The following DDX54 variants were observed in gnomAD, a reference collection of about 807,000 sequenced individuals.
DDX54 encodes ATP-dependent RNA helicase DDX54.
DDX54 carries 67 observed loss-of-function variants against 105.5 expected under a neutral mutation model. The ratio of observed to expected loss-of-function variants is 0.64; its 90% CI spans 0.52 to 0.78. DDX54 has a LOEUF of 0.78. Among genes scored for constraint, DDX54 ranks in the 30% least tolerant of loss-of-function variants. The pLI is 0.00. For synonymous variants in DDX54, 514 were observed against 509.9 expected (o/e 1.01, Z -0.11); for missense variants, 1,206 against 1,230.5 (o/e 0.98, Z 0.30).
At chr12:113,184,387 A>T (rs1463742890) in intron 1 of DDX54, among the ~76,000 whole-genome samples, 1 of 152,134 alleles carries the variant, frequency 6.6e-6, no homozygotes, top group Non-Finnish European at 1.5e-5. Context: ...CAGGCCTTTG[A>T]CTATTTCTTA....
intron 11 of DDX54, among the ~76,000 whole-genome samples, chr12:113,171,938 A>T (rs1329554398): frequency 6.6e-6 from 1 of 152,162 alleles, no homozygotes; most frequent in East Asian, 1.9e-4. Context: ...GCCTGCCTTG[A>T]GCATGCTCCA....
intron 12 of DDX54, among the ~76,000 whole-genome samples, chr12:113,168,487 C>T (rs1342647707): frequency 6.6e-6 from 1 of 152,238 alleles, no homozygotes; most frequent in Non-Finnish European, 1.5e-5. Flanking sequence ...CTCCCTCTAG[C>T]ACAGATGGAC....
In DDX54 at chr12:113,164,168, C is replaced by T; in HGVS notation, c.1837G>A (p.Glu613Lys). 1 of 1,557,538 alleles carries T rather than the reference C, an allele frequency of 6.4e-7. No individual in the cohort carries two copies. The highest frequency in any genetic ancestry group is 1.2e-5 in the South Asian group (1 of 84,838). ...GGGCCCACTGGGCCCTCCTGCTGCTCCTGCCGCCCCTGCTGTCCCTGCTGG... is the reference window on the plus strand; with the variant it reads ...GGGCCCACTGGGCCCTCCTGCTGCTTCTGCCGCCCCTGCTGTCCCTGCTGG... ...RFQQGQQGRQ[E>K]QQEGPVGPAP... Residue 613 changes from glutamate (E) to lysine (K), a missense_variant, in exon 15 of 20, where the codon GAG becomes AAG. This residue lies in a region of DDX54 where 961 missense variants were observed against 1,019.1 expected (regional missense o/e 0.94). Coordinates refer to ENST00000306014, the MANE Select transcript of DDX54 (RefSeq NM_024072.4).
At chr12:113,164,695 CAGAG>C (rs1209629702) in intron 14 of DDX54, among the ~76,000 whole-genome samples, 2 of 151,512 alleles carry the variant, frequency 1.3e-5, no homozygotes, top group Non-Finnish European at 2.9e-5. Context: ...GCCTGGGTAA[CAGAG>C]CGAGACTCCA....
chr12:113,161,779 A>AGG, intron 18 of DDX54, 114 bp downstream of exon 18: 1 of 237,010 alleles, frequency 4.2e-6, no homozygotes, highest in South Asian at 3.7e-5. Context: ...TAAGCCGCTC[A>AGG]GCCCCGCCCC....
At position 113,161,887 on chromosome 12, in the gene DDX54, G is replaced by A; in HGVS notation, c.2300+6C>T. On this transcript the variant is annotated splice_donor_region_variant and intron_variant, in intron 18 of 19. Transcript: ENST00000306014. ...CGCCCCTCCCCAGCCACGCCCCTCA[G>A]GATACAGGTCTCGCTTGTAGGAGCT... 1 of 1,511,296 alleles carries A rather than the reference G, an allele frequency of 6.6e-7. No homozygotes were observed. The highest frequency in any genetic ancestry group is 8.9e-7 in the Non-Finnish European group (1 of 1,117,700). 93.6% of individuals were successfully genotyped at this position (1,511,296 alleles called of 1,614,324 possible).
Position 113,162,974 on chromosome 12 carries a change from T to TC in DDX54, c.2152dup (p.Asp718GlyfsTer2). The TC allele has an allele frequency of 6.2e-7, 1 of 1,608,406 alleles. No homozygotes were observed. Among genetic ancestry groups the TC allele is most frequent in the Non-Finnish European group, 8.5e-7 (1 of 1,179,702 alleles). On this transcript the variant is annotated frameshift_variant, in exon 17 of 20. Transcript: ENST00000306014. LOFTEE classifies it high-confidence loss of function. ...GCCCCTCGTCAGGTTCTGGGCTTCA[T>TC]CCCCCATCAAGTCCAGGACAGCGCC...
At chr12:113,173,904 C>T (rs1251234015) in intron 10 of DDX54, among the ~76,000 whole-genome samples, 1 of 152,130 alleles carries the variant, frequency 6.6e-6, no homozygotes, top group Non-Finnish European at 1.5e-5. Flanking sequence ...AAGTTTAGGC[C>T]AGGCGCTGTG....
rs1244430069 is a variant in DDX54, at chr12:113,163,216, G to T, written c.1997C>A (p.Ala666Asp). The change falls in exon 16 of 20, where the codon GCC becomes GAC. Residue 666 changes from alanine (A) to aspartate (D), a missense_variant. By Grantham distance (126) the Ala-to-Asp change is moderately radical. Coordinates refer to ENST00000306014, the MANE Select transcript of DDX54 (RefSeq NM_024072.4). This position sits in a 1 kb window ranked among gnomAD's most constrained non-coding sequence, Gnocchi z 5.9. ...KRQRSGPNRG[A>D]KRRREEARQR... ...CCGGGCCTCCTCCCTCCGCCTCTTG[G>T]CTCCCCTGTTGGGTCCTGACCGCTG... 5 of 1,611,782 alleles carry T rather than the reference G, an allele frequency of 3.1e-6. No homozygotes were observed. The highest frequency in any genetic ancestry group is 4.2e-6 in the Non-Finnish European group (5 of 1,179,980).
chr12:113,167,761 T>C (rs529831537), intron 12 of DDX54, among the ~76,000 whole-genome samples: 82 of 152,268 alleles, frequency 5.4e-4, no homozygotes, highest in Admixed American at 1.4e-3. Context: ...TGCCTGGACA[T>C]TGGGGGAGGC....
intron 1 of DDX54, chr12:113,183,605 C>T (rs1952490285): frequency 6.6e-6 from 1 of 152,286 alleles, no homozygotes; most frequent in African/African-American, 2.4e-5. Flanking sequence ...GCCCTTCTGC[C>T]CCATTGGTGC....
intron 12 of DDX54, chr12:113,168,070 G>A (rs1161060158): frequency 3.7e-5 from 15 of 407,480 alleles, no homozygotes; most frequent in Non-Finnish European, 6.9e-5. Context: ...CACCTCCAGT[G>A]ACTGCACAGG....
At chr12:113,162,148 GCTCAATAAAGGCTTCTTCCCTATCCCTC>G in intron 17 of DDX54, 151 bp from the exon 18 acceptor site, 1 of 688,312 alleles carries the variant, frequency 1.5e-6, no homozygotes, top group Admixed American at 2.3e-5. Flanking sequence ...TGCAGTTGGC[GCTCAATAAAGGCTTCTTCCCTATCCCTC>G]CTCACCTCTC....
At chr12:113,171,767 C>A (rs1247475095) in intron 11 of DDX54, among the ~76,000 whole-genome samples, 1 of 152,086 alleles carries the variant, frequency 6.6e-6, no homozygotes, top group Non-Finnish European at 1.5e-5. Context: ...GGACACACAC[C>A]AAAATGACGG....
chr12:113,161,055 C>A (rs1952197824), intron 19 of DDX54, among the ~76,000 whole-genome samples: 1 of 140,280 alleles, frequency 7.1e-6, no homozygotes, highest in African/African-American at 2.7e-5. Flanking sequence ...GTGCTCGTGA[C>A]CATCAGAGGC....
Position 113,185,434 on chromosome 12 carries a change from G to A in DDX54, c.18C>T (p.Gly6=). Residue 6 remains glycine, a synonymous_variant, in exon 1 of 20, where the codon GGC becomes GGT. Coordinates refer to ENST00000306014, the MANE Select transcript of DDX54 (RefSeq NM_024072.4). ...CTCGCGACCGAGGTCCAGCCGCCGG[G>A]CCCTTGTCGGCCGCCATTCGGGCCG... MAADK[G]PAAGPRSRAA... 6.6e-7 allele frequency: 1 copy of A among 1,513,038 alleles called. No homozygotes were observed. The highest frequency in any genetic ancestry group is 8.8e-7 in the Non-Finnish European group (1 of 1,133,606). 93.7% of individuals were successfully genotyped at this position (1,513,038 alleles called of 1,614,324 possible). A position where few individuals can be genotyped will look rare whatever the true frequency, so the allele number is the denominator to read the frequency against.
chr12:113,165,870 G>GGCGCCGGGCGTGA lies in DDX54; in HGVS notation c.1564_1576dup (p.Pro526LeufsTer8). On this transcript the variant is annotated frameshift_variant, in exon 13 of 20. Coordinates refer to ENST00000306014, the MANE Select transcript of DDX54 (RefSeq NM_024072.4). LOFTEE classifies it high-confidence loss of function. ...GGCCCTCTTGATGGACTCAGGCGAG[G>GGCGCCGGGCGTGA]GCGCCGGGCGTGAGCGCACATACTG... 1 of 1,613,644 alleles carries GGCGCCGGGCGTGA rather than the reference G, an allele frequency of 6.2e-7. No homozygotes were observed. Among genetic ancestry groups the GGCGCCGGGCGTGA allele is most frequent in the Non-Finnish European group, 8.5e-7 (1 of 1,179,966 alleles).
Position 113,174,753 on chromosome 12 carries a change from G to C in DDX54, c.955C>G (p.Arg319Gly), listed in dbSNP as rs199610294. ...AGCACGGCAGCCTTGGTGTCCTCCC[G>C]CACGAGGAAGAAGGAGGTCTGTGGG... ...EQLKTSFFLV[R>G]EDTKAAVLLH... Residue 319 changes from arginine to glycine, a missense_variant, in exon 10 of 20, where the codon CGG (arginine) becomes GGG (glycine). Arg to Gly is a moderately radical substitution (Grantham distance 125, BLOSUM62 -2). Coordinates refer to ENST00000306014, the MANE Select transcript of DDX54 (RefSeq NM_024072.4). 6 of 1,611,472 alleles carry C rather than the reference G, an allele frequency of 3.7e-6. No individual in the cohort carries two copies. Among genetic ancestry groups the C allele is most frequent in the Non-Finnish European group, 5.1e-6 (6 of 1,177,878 alleles).
At chr12:113,165,501 G>C (rs1952260141) in intron 14 of DDX54, 143 bp downstream of exon 14, 2 of 843,766 alleles carry the variant, frequency 2.4e-6, no homozygotes, top group Non-Finnish European at 3.5e-6. Context: ...GAAAATCCCT[G>C]CTGGGGTCCT....
Sources: gnomAD v4.1 joint callset for allele counts (sites outside exome capture counted in the v4.1 genomes callset) on GRCh38, gnomAD v4.1.1 for gene constraint, gnomAD v4.1.1 regional missense constraint, Gnocchi (gnomAD v3.1) non-coding constraint, MANE v1.5 for transcripts, NCBI Gene and HGNC (gene_info 2026-07-23, HGNC 2026-07-21) for gene names.